The following FAAH2 variants were observed in gnomAD, a reference collection of about 807,000 sequenced individuals.
FAAH2 encodes fatty acid amide hydrolase 2, also known as fatty-acid amide hydrolase 2.
A neutral mutation model predicts 36.9 loss-of-function variants in FAAH2; 60 were observed. The ratio of observed to expected loss-of-function variants is 1.63; its 90% CI spans 1.32 to 2.02. The LOEUF (loss-of-function observed/expected upper bound fraction) is 2.02. Among genes scored for constraint, FAAH2 ranks in the 30% most tolerant of loss-of-function variants. The probability of loss-of-function intolerance (pLI) is 0.00; values close to 1 mark genes in which losing one functional copy is unlikely to be tolerated. For missense variants in FAAH2, 689 were observed against 397.5 expected (o/e 1.73, Z -6.23); for synonymous variants, 214 against 143.8 (o/e 1.49, Z -3.49).
At chrX:57,197,831 C>T in the FAAH2 span, among the ~76,000 whole-genome samples, 4 of 112,003 alleles carry the variant, frequency 3.6e-5, no homozygotes, top group Admixed American at 9.4e-5. Context: ...TTTTGTTTAG[C>T]GCACTGGTTT....
the FAAH2 span, among the ~76,000 whole-genome samples, chrX:57,157,172 T>C: frequency 1.8e-5 from 2 of 110,731 alleles, no homozygotes; most frequent in Non-Finnish European, 3.8e-5. Context: ...GTGGAAAGAG[T>C]CTTTCTCTGA....
intron 3 of FAAH2, among the ~76,000 whole-genome samples, chrX:57,313,916 A>C (rs769008407): frequency 2.7e-5 from 3 of 111,416 alleles, no homozygotes; most frequent in African/African-American, 9.8e-5. Flanking sequence ...TAAATGAACT[A>C]AATGTCCCAA....
At chrX:57,363,548 C>A (rs777871759) in intron 5 of FAAH2, among the ~76,000 whole-genome samples, 2 of 111,207 alleles carry the variant, frequency 1.8e-5, no homozygotes, top group African/African-American at 3.3e-5. Context: ...TATTTGGATG[C>A]CTTTTTTTCT....
chrX:57,419,019 C>T (rs1366190599), intron 7 of FAAH2, among the ~76,000 whole-genome samples: 2 of 105,886 alleles, frequency 1.9e-5, no homozygotes, highest in African/African-American at 6.9e-5. Context: ...TTTCCAATTT[C>T]ATCCATGTCC....
intron 2 of FAAH2, among the ~76,000 whole-genome samples, chrX:57,297,052 T>A (rs2052185152): frequency 9.1e-6 from 1 of 110,003 alleles, no homozygotes; most frequent in Non-Finnish European, 1.9e-5. Context: ...TAGGAGAAAT[T>A]CCCCAATCTA....
chrX:57,443,853 G>A (rs1358202790), intron 8 of FAAH2, among the ~76,000 whole-genome samples: 1 of 112,162 alleles, frequency 8.9e-6, no homozygotes, highest in Non-Finnish European at 1.9e-5. Context: ...TCAGTTGCAG[G>A]TCTGTTGGAG....
intron 7 of FAAH2, chrX:57,392,496 A>G: frequency 1.4e-6 from 1 of 694,455 alleles, no homozygotes; most frequent in Non-Finnish European, 2.2e-6. Context: ...GCTGAAAATG[A>G]CATCCGGGAA....
intron 10 of FAAH2, among the ~76,000 whole-genome samples, chrX:57,469,032 A>G (rs931170228): frequency 8.1e-5 from 9 of 111,705 alleles, no homozygotes; most frequent in Non-Finnish European, 1.3e-4. Flanking sequence ...TAAATCCTTT[A>G]CAGACAAACA....
At chrX:57,410,380 T>G (rs1400128706) in intron 7 of FAAH2, among the ~76,000 whole-genome samples, 2 of 111,482 alleles carry the variant, frequency 1.8e-5, no homozygotes, top group Non-Finnish European at 3.8e-5. Context: ...TGGGTCGATT[T>G]GTTCTCAAGT....
At chrX:57,242,509 C>A in the FAAH2 span, among the ~76,000 whole-genome samples, 1 of 112,345 alleles carries the variant, frequency 8.9e-6, no homozygotes, top group African/African-American at 3.2e-5. Context: ...CAGCTCCCAG[C>A]AAGGTCAACA....
the FAAH2 span, among the ~76,000 whole-genome samples, chrX:57,213,395 T>C: frequency 2.6e-4 from 29 of 111,866 alleles, no homozygotes; most frequent in Admixed American, 2.6e-3. Context: ...GTTCCTGTTT[T>C]CTAGTTTATT....
At chrX:57,444,331 G>T (rs974458734) in intron 8 of FAAH2, among the ~76,000 whole-genome samples, 11 of 111,890 alleles carry the variant, frequency 9.8e-5, no homozygotes, top group African/African-American at 3.6e-4. Flanking sequence ...CCCCAGCCTC[G>T]CTGCCACCTT....
At chrX:57,183,137 G>A in the FAAH2 span, among the ~76,000 whole-genome samples, 1 of 110,813 alleles carries the variant, frequency 9.0e-6, no homozygotes, top group African/African-American at 3.3e-5. Flanking sequence ...TGGTAATGAA[G>A]TAAGGTATAC....
At chrX:57,447,160 T>C (rs2056692080) in intron 9 of FAAH2, 121 bp downstream of exon 9, 1 of 441,179 alleles carries the variant, frequency 2.3e-6, no homozygotes, top group African/African-American at 2.5e-5. Context: ...TACTGAAATC[T>C]TAACGCTCCA....
chrX:57,460,736 G>A (rs2056943676), intron 10 of FAAH2, among the ~76,000 whole-genome samples: 1 of 111,659 alleles, frequency 9.0e-6, no homozygotes, highest in Non-Finnish European at 1.9e-5. Context: ...TGAAGAAACA[G>A]CATCAACTAA....
At position 57,385,863 on chromosome X, in the gene FAAH2, G is replaced by A. The variant is rs763725856; in HGVS notation, c.996+4834G>A. 6.6e-3 allele frequency among the ~76,000 whole-genome samples: 695 copies of A among 105,152 alleles called. 4 individuals are homozygous for A. Among genetic ancestry groups the A allele is most frequent in the Non-Finnish European group, 0.01 (523 of 51,579 alleles). 91.3% of individuals were successfully genotyped at this position (105,152 alleles called of 115,157 possible). A position where few individuals can be genotyped will look rare whatever the true frequency, so the allele number is the denominator to read the frequency against. ...GCGGAGCTTGCAGTGAGTGAAGATC[G>A]CACCACTGCACTCCAGCCTGGGCGA... On this transcript the variant is annotated intron_variant, in intron 7 of 10. Transcript: ENST00000374900.
intron 5 of FAAH2, among the ~76,000 whole-genome samples, chrX:57,374,255 C>A (rs749486019): frequency 3.6e-5 from 4 of 111,517 alleles, no homozygotes; most frequent in East Asian, 2.8e-4. Context: ...GAAGAATGAT[C>A]ATGGTATTTT....
chrX:57,233,399 A>C, the FAAH2 span, among the ~76,000 whole-genome samples: 1 of 111,739 alleles, frequency 8.9e-6, no homozygotes, highest in African/African-American at 3.3e-5. Flanking sequence ...TTTCTGAAAA[A>C]CTGAATTTAT....
chrX:57,263,988 A>G, the FAAH2 span, among the ~76,000 whole-genome samples: 2 of 112,119 alleles, frequency 1.8e-5, no homozygotes, highest in Non-Finnish European at 3.8e-5. Flanking sequence ...TTAGAAATGT[A>G]TAGGTCAACA....
Sources: gnomAD v4.1 joint callset for allele counts (sites outside exome capture counted in the v4.1 genomes callset) on GRCh38, gnomAD v4.1.1 for gene constraint, MANE v1.5 for transcripts, NCBI Gene and HGNC (gene_info 2026-07-23, HGNC 2026-07-21) for gene names.